The following PHF14 variants were observed in gnomAD, a reference collection of about 807,000 sequenced individuals.
PHF14 encodes the protein PHD finger protein 14.
A neutral mutation model predicts 117.9 loss-of-function variants in PHF14; 55 were observed. That is an observed-to-expected ratio of 0.47 (90% CI 0.38 to 0.58). The LOEUF is 0.58. Among genes scored for constraint, PHF14 ranks in the 20% least tolerant of loss-of-function variants. The probability of loss-of-function intolerance (pLI) is 0.00; values close to 1 mark genes in which losing one functional copy is unlikely to be tolerated. For missense variants in PHF14, 978 were observed against 1,122.2 expected, an observed-to-expected ratio of 0.87 and a Z score of 1.84; for synonymous variants, 409 against 368.6, an observed-to-expected ratio of 1.11 and a Z score of -1.26.
chr7:11,042,550 A>G (rs1784534182), intron 12 of PHF14, 133 bp from the exon 13 acceptor site: 5 of 571,610 alleles, frequency 8.7e-6, no homozygotes, highest in African/African-American at 7.8e-5. Flanking sequence ...AATGAAAGAA[A>G]TTGTCTATCT....
chr7:11,033,014 CAT>C (rs57184355), intron 7 of PHF14, among the ~76,000 whole-genome samples: 2,007 of 152,296 alleles, frequency 0.013, 43 homozygotes, highest in African/African-American at 0.046. Flanking sequence ...GAACCCACCT[CAT>C]GTGGTAGTGG....
chr7:11,064,894 G>C (rs1317513409), intron 16 of PHF14, among the ~76,000 whole-genome samples: 8 of 151,956 alleles, frequency 5.3e-5, no homozygotes, highest in Non-Finnish European at 7.4e-5. Flanking sequence ...TAATTGCTGA[G>C]TGATAGTAAG....
At position 10,974,840 on chromosome 7, in the gene PHF14, C is replaced by G. The variant is rs761775712; in HGVS notation, c.7C>G (p.Arg3Gly). 1.3e-6 allele frequency: 2 copies of G among 1,553,124 alleles called. No homozygotes were observed. The highest frequency in any genetic ancestry group is 1.8e-6 in the Non-Finnish European group (2 of 1,137,304). ...TAATTTTTTTCTCTTCACAGTGGAT[C>G]GCAGCTCCAAGAGGAGGCAGGTGAA... MD[R>G]SSKRRQVKPL... Residue 3 changes from arginine (R) to glycine (G), a missense_variant, in exon 2 of 18, where the codon CGC becomes GGC. Physicochemically the swap from Arg to Gly is moderately radical, Grantham distance 125. Around this residue, in one of 7 missense-constraint regions of PHF14, gnomAD observed 414 missense variants for 376.4 expected, o/e 1.10. Transcript: ENST00000634607.
chr7:11,138,324 A>G (rs1788298937), intron 17 of PHF14, among the ~76,000 whole-genome samples: 1 of 152,160 alleles, frequency 6.6e-6, no homozygotes. Flanking sequence ...TACAGGCGTG[A>G]GCCACTGCGC....
chr7:11,073,684 C>G, intron 16 of PHF14, among the ~76,000 whole-genome samples: 1 of 152,236 alleles, frequency 6.6e-6, no homozygotes, highest in Non-Finnish European at 1.5e-5. Flanking sequence ...AGGGTTCCAA[C>G]TCCACATTTC....
intron 1 of PHF14, among the ~76,000 whole-genome samples, 159 bp from the exon 2 acceptor site, chr7:10,974,676 C>G (rs1781801776): frequency 6.6e-6 from 1 of 152,202 alleles, no homozygotes; most frequent in Non-Finnish European, 1.5e-5. Flanking sequence ...CCTCCCCACC[C>G]TGCTTCTGCA....
At chr7:11,015,846 T>C (rs1182987536) in intron 5 of PHF14, among the ~76,000 whole-genome samples, 1 of 150,126 alleles carries the variant, frequency 6.7e-6, no homozygotes, top group Non-Finnish European at 1.5e-5. Context: ...TTTTGGTAAC[T>C]CTTCCAGTCC....
chr7:11,076,183 A>G (rs1562453514), intron 16 of PHF14, among the ~76,000 whole-genome samples: 1 of 152,238 alleles, frequency 6.6e-6, no homozygotes, highest in African/African-American at 2.4e-5. Flanking sequence ...CAGTCTGGCT[A>G]CAGAGTCCAT....
At chr7:11,083,854 T>C (rs1208811966) in intron 16 of PHF14, among the ~76,000 whole-genome samples, 1 of 152,018 alleles carries the variant, frequency 6.6e-6, no homozygotes, top group African/African-American at 2.4e-5. Flanking sequence ...GTAAAACCAG[T>C]GGGGCTGTAC....
At chr7:11,148,209 A>G (rs1788606374) in intron 17 of PHF14, among the ~76,000 whole-genome samples, 1 of 152,190 alleles carries the variant, frequency 6.6e-6, no homozygotes. Flanking sequence ...CAACCAGAAT[A>G]AGCTTAAAAC....
Position 11,061,966 on chromosome 7 carries a change from A to C in PHF14, c.2535A>C (p.Glu845Asp). 6.3e-7 allele frequency: 1 copy of C among 1,591,148 alleles called. No individual in the cohort carries two copies. Among genetic ancestry groups the C allele is most frequent in the South Asian group, 1.1e-5 (1 of 87,082 alleles). Reference protein sequence around the residue: ...SFVPEEEKHEERVPRERRQRQ... With the variant: ...SFVPEEEKHEDRVPRERRQRQ... ...TTTTATTATCCCTTGTATGGCAGGA[A>C]AGAGTTCCTAGAGAGAGAAGACAAA... Residue 845 changes from glutamate to aspartate, a missense_variant and splice_region_variant, in exon 16 of 18, where the codon GAA becomes GAC. Glu to Asp is a conservative substitution (Grantham distance 45, BLOSUM62 2). Coordinates refer to ENST00000634607, the MANE Select transcript of PHF14 (RefSeq NM_001007157.2).
At chr7:11,035,128 T>C (rs1583394996) in intron 7 of PHF14, among the ~76,000 whole-genome samples, 1 of 148,136 alleles carries the variant, frequency 6.8e-6, no homozygotes, top group Non-Finnish European at 1.5e-5. Flanking sequence ...AAAAGCGTAA[T>C]AAAAAAGAAT....
chr7:11,122,846 A>G (rs1787816822), intron 17 of PHF14, among the ~76,000 whole-genome samples: 2 of 152,142 alleles, frequency 1.3e-5, no homozygotes, highest in South Asian at 2.1e-4. Context: ...TTGGTCACCA[A>G]TAAAACATGC....
At chr7:11,065,231 A>G (rs977409089) in intron 16 of PHF14, among the ~76,000 whole-genome samples, 2 of 152,030 alleles carry the variant, frequency 1.3e-5, no homozygotes, top group East Asian at 1.9e-4. Flanking sequence ...TCTCAACTAA[A>G]TATATATTTC....
chr7:11,069,359 A>C (rs1785530568), intron 16 of PHF14, among the ~76,000 whole-genome samples: 1 of 152,060 alleles, frequency 6.6e-6, no homozygotes, highest in South Asian at 2.1e-4. Flanking sequence ...GAGGTAGAAA[A>C]GTACTGAGTC....
intron 11 of PHF14, among the ~76,000 whole-genome samples, chr7:11,039,780 T>G (rs887153362): frequency 3.9e-5 from 6 of 152,182 alleles, no homozygotes; most frequent in Non-Finnish European, 8.8e-5. Flanking sequence ...GCTTGTATCC[T>G]AAAGAATGTT....
chr7:11,037,708 A>G (rs904076291), intron 10 of PHF14, among the ~76,000 whole-genome samples: 2 of 152,204 alleles, frequency 1.3e-5, no homozygotes, highest in African/African-American at 2.4e-5. Context: ...ACCAAGTATA[A>G]CTTGACATAT....
chr7:10,986,112 G>T (rs1302166317), intron 3 of PHF14, among the ~76,000 whole-genome samples: 1 of 151,744 alleles, frequency 6.6e-6, no homozygotes, highest in African/African-American at 2.4e-5. Context: ...GAGACTACAG[G>T]TGTACGACAA....
intron 17 of PHF14, among the ~76,000 whole-genome samples, chr7:11,112,326 T>C (rs945429648): frequency 2.0e-5 from 3 of 152,198 alleles, no homozygotes; most frequent in East Asian, 1.9e-4. Context: ...AAATTGATCA[T>C]GTAATCAAAA....
Sources: allele counts gnomAD v4.1 joint callset (sites outside exome capture counted in the v4.1 genomes callset), GRCh38; gene constraint gnomAD v4.1.1; regional missense constraint gnomAD v4.1.1; transcripts MANE v1.5; gene names NCBI Gene and HGNC (gene_info 2026-07-23, HGNC 2026-07-21).